The following CEP128 variants were observed in gnomAD, a reference collection of about 807,000 sequenced individuals.
CEP128 encodes centrosomal protein 128, also known as centrosomal protein 128kDa.
CEP128 carries 132 observed loss-of-function variants against 156.7 expected under a neutral mutation model. The ratio of observed to expected loss-of-function variants is 0.84; its 90% CI spans 0.73 to 0.97. The LOEUF (loss-of-function observed/expected upper bound fraction) is 0.97, where lower values mean the gene tolerates loss of function less well. Among genes scored for constraint, CEP128 ranks in the 50% least tolerant of loss-of-function variants. CEP128 has a pLI of 0.00. For missense variants in CEP128, 1,252 were observed against 1,281.9 expected (o/e 0.98, Z 0.36); for synonymous variants, 469 against 448.9 (o/e 1.04, Z -0.57).
chr14:80,617,212 A>G (rs1247006060), intron 19 of CEP128, among the ~76,000 whole-genome samples: 1 of 119,160 alleles, frequency 8.4e-6, no homozygotes. Flanking sequence ...ACCTATGTGA[A>G]TATCATCTTT....
At position 80,768,224 on chromosome 14, in the gene CEP128, T is replaced by C. The variant is rs150898776; in HGVS notation, c.2377-6611A>G. ...TTGCCACAGTTAATTATTTAATTCA[T>C]TGAGGACAATCACCTTGTCAGTGGC... On this transcript the variant is annotated intron_variant, in intron 16 of 24. Coordinates refer to ENST00000555265, the MANE Select transcript of CEP128 (RefSeq NM_152446.5). Among the ~76,000 whole-genome samples the C allele has an allele frequency of 2.5e-3, 381 of 152,314 alleles. 2 individuals are homozygous for C. Among genetic ancestry groups the C allele is most frequent in the Non-Finnish European group, 3.9e-3 (266 of 68,014 alleles).
rs200212164 is a variant in CEP128, at chr14:80,862,739, A to G, written c.762+18T>C. 2.0e-5 allele frequency: 29 copies of G among 1,467,468 alleles called. No homozygotes were observed. The highest frequency in any genetic ancestry group is 1.4e-5 in the Non-Finnish European group (15 of 1,046,590). 90.9% of individuals were successfully genotyped at this position (1,467,468 alleles called of 1,614,324 possible). Reference sequence around the variant, plus strand: ...CCAAATTCAAGATTTACATTCCATGAAAGTGTTTTTCACAAACCTCCTGTA... The same window carrying G: ...CCAAATTCAAGATTTACATTCCATGGAAGTGTTTTTCACAAACCTCCTGTA... On this transcript the variant is annotated intron_variant, in intron 9 of 24. Coordinates refer to ENST00000555265, the MANE Select transcript of CEP128 (RefSeq NM_152446.5).
At position 80,673,645 on chromosome 14, in the gene CEP128, CAAAAAAA is replaced by C. The variant is rs4016509; in HGVS notation, c.2806+69423_2806+69429del. On this transcript the variant is annotated intron_variant, in intron 19 of 24. Coordinates refer to ENST00000555265, the MANE Select transcript of CEP128 (RefSeq NM_152446.5). ...TGGGCGACAGAGCGAGACTCCGTCT[CAAAAAAA>C]AAAAAAAAAAAAAAAAAAATGTACT... Among the ~76,000 whole-genome samples, 246 of 43,962 alleles carry C rather than the reference CAAAAAAA, an allele frequency of 5.6e-3. 4 individuals carry two copies. Among genetic ancestry groups the C allele is most frequent in the African/African-American group, 0.027 (220 of 8,082 alleles). The allele number at this position is 43,962 out of a possible 152,430, so 28.8% of individuals were successfully genotyped here.
At chr14:80,878,821 G>A (rs116874218) in intron 8 of CEP128, among the ~76,000 whole-genome samples, 2 of 152,144 alleles carry the variant, frequency 1.3e-5, no homozygotes, top group African/African-American at 2.4e-5. Context: ...GGTGCTACAA[G>A]TTTCAGAAGA....
At chr14:80,766,813 G>A (rs1291450177) in intron 16 of CEP128, among the ~76,000 whole-genome samples, 2 of 151,984 alleles carry the variant, frequency 1.3e-5, no homozygotes, top group African/African-American at 4.8e-5. Context: ...GTCAACAAAG[G>A]GTAGGGGGAG....
intron 16 of CEP128, among the ~76,000 whole-genome samples, chr14:80,771,597 A>G (rs1185791398): frequency 6.6e-6 from 1 of 152,204 alleles, no homozygotes; most frequent in Non-Finnish European, 1.5e-5. Context: ...ATGCATTTCT[A>G]TGCATCCTGA....
chr14:80,567,301 T>G (rs2140399027), intron 20 of CEP128, among the ~76,000 whole-genome samples: 1 of 152,168 alleles, frequency 6.6e-6, no homozygotes, highest in South Asian at 2.1e-4. Flanking sequence ...TGAAGTGGGG[T>G]ATGTGTACGG....
chr14:80,824,900 A>G (rs1320144145), intron 13 of CEP128, among the ~76,000 whole-genome samples: 1 of 152,174 alleles, frequency 6.6e-6, no homozygotes, highest in Non-Finnish European at 1.5e-5. Context: ...TTCTGTTTTC[A>G]TGTTGCTGAT....
Position 80,895,799 on chromosome 14 carries a change from A to AAAAAG in CEP128, c.573-10_573-9insCTTTT. ...TTGTTTCGGCATCTGACCTAGGAAG[A>AAAAAG]AAAAAAAAAAAAAGATTTAAATTTG... On this transcript the variant is annotated splice_polypyrimidine_tract_variant and intron_variant, in intron 7 of 24. Coordinates refer to ENST00000555265, the MANE Select transcript of CEP128 (RefSeq NM_152446.5). 1 of 691,426 alleles carries AAAAAG rather than the reference A, an allele frequency of 1.4e-6. No homozygotes were observed. The highest frequency in any genetic ancestry group is 1.8e-6 in the Non-Finnish European group (1 of 547,556). The allele number at this position is 691,426 out of a possible 1,614,324, so 42.8% of individuals were successfully genotyped here.
intron 13 of CEP128, among the ~76,000 whole-genome samples, chr14:80,816,725 T>C (rs1011242039): frequency 3.3e-5 from 5 of 152,172 alleles, no homozygotes; most frequent in African/African-American, 4.8e-5. Flanking sequence ...CTAAGGACGC[T>C]GTCAAAAACA....
At chr14:80,849,586 C>T (rs1168583646) in intron 9 of CEP128, among the ~76,000 whole-genome samples, 3 of 152,084 alleles carry the variant, frequency 2.0e-5, no homozygotes, top group Admixed American at 2.0e-4. Flanking sequence ...GAAATAACAG[C>T]TTTTCATTTT....
intron 21 of CEP128, 52 bp from the exon 22 acceptor site, chr14:80,530,938 T>TCAG: frequency 8.4e-7 from 1 of 1,192,402 alleles, no homozygotes; most frequent in South Asian, 1.4e-5. Context: ...TGATTAATAC[T>TCAG]CTCAGAATCC....
chr14:80,823,867 G>A (rs766738451), intron 13 of CEP128, among the ~76,000 whole-genome samples: 1 of 152,222 alleles, frequency 6.6e-6, no homozygotes, highest in Non-Finnish European at 1.5e-5. Flanking sequence ...CCACTGGGCA[G>A]TGCCCCAGTA....
At chr14:80,581,002 T>A (rs1357254089) in intron 19 of CEP128, among the ~76,000 whole-genome samples, 1 of 152,124 alleles carries the variant, frequency 6.6e-6, no homozygotes, top group Non-Finnish European at 1.5e-5. Flanking sequence ...GAAGCTACAT[T>A]TGACTAAGAG....
At chr14:80,546,928 CAA>C (rs2140327110) in intron 21 of CEP128, among the ~76,000 whole-genome samples, 2 of 152,288 alleles carry the variant, frequency 1.3e-5, no homozygotes, top group African/African-American at 4.8e-5. Flanking sequence ...AAATAATTAA[CAA>C]GAGACCACTT....
chr14:80,596,281 T>G (rs1892316119), intron 19 of CEP128, among the ~76,000 whole-genome samples: 1 of 151,994 alleles, frequency 6.6e-6, no homozygotes, highest in South Asian at 2.1e-4. Flanking sequence ...TATTATATCG[T>G]GAAAGTAAAA....
intron 13 of CEP128, among the ~76,000 whole-genome samples, chr14:80,801,936 A>AAAAAAAAG (rs1566636604): frequency 6.7e-6 from 1 of 150,152 alleles, no homozygotes; most frequent in Admixed American, 6.6e-5. Flanking sequence ...AAAAAAAAAA[A>AAAAAAAAG]AGCTCAACAT....
At chr14:80,574,774 T>C (rs529331577) in intron 20 of CEP128, among the ~76,000 whole-genome samples, 1 of 152,260 alleles carries the variant, frequency 6.6e-6, no homozygotes, top group African/African-American at 2.4e-5. Context: ...GGGGAAGAGA[T>C]TATTTTCCCC....
intron 19 of CEP128, among the ~76,000 whole-genome samples, chr14:80,645,683 A>G (rs1894603548): frequency 6.6e-6 from 1 of 152,132 alleles, no homozygotes; most frequent in Admixed American, 6.5e-5. Context: ...AATTAAACAT[A>G]TTTTTACCAT....
Sources: allele counts gnomAD v4.1 joint callset (sites outside exome capture counted in the v4.1 genomes callset), GRCh38; gene constraint gnomAD v4.1.1; transcripts MANE v1.5; gene names NCBI Gene and HGNC (gene_info 2026-07-23, HGNC 2026-07-21).